SETD1A: variants seen among roughly 807,000 people sequenced by gnomAD.
The protein encoded by SETD1A is SET domain containing 1A, histone lysine methyltransferase.
Under a neutral mutation model 149.9 loss-of-function variants are expected in SETD1A, and 29 were observed. The observed-to-expected ratio is 0.19, with a 90% CI of 0.14 to 0.26. The LOEUF (loss-of-function observed/expected upper bound fraction) is 0.26. Ranked by LOEUF, SETD1A falls within the 10% of genes least tolerant of loss-of-function variation. SETD1A has a pLI of 1.00. For synonymous variants in SETD1A, 1,141 were observed against 968.5 expected (o/e 1.18, Z -3.31); for missense variants, 2,109 against 2,353.1 (o/e 0.90, Z 2.15).
chr16:30,982,330 G>A (rs1480361291), intron 17 of SETD1A, among the ~76,000 whole-genome samples: 1 of 151,778 alleles, frequency 6.6e-6, no homozygotes, highest in Non-Finnish European at 1.5e-5. Context: ...CTAAAACCCC[G>A]TCTCTACTAA....
At chr16:30,962,763 A>G (rs1241235496) in intron 4 of SETD1A, among the ~76,000 whole-genome samples, 2 of 152,250 alleles carry the variant, frequency 1.3e-5, no homozygotes, top group Non-Finnish European at 2.9e-5. Flanking sequence ...CCTGGTCAAC[A>G]TGGTGAAACC....
In SETD1A at chr16:30,983,453, GC is replaced by G. The variant is rs1361180924; in HGVS notation, c.4813-178del. Among the ~76,000 whole-genome samples the G allele has an allele frequency of 2.0e-5, 3 of 152,192 alleles. No individual in the cohort carries two copies. The highest frequency in any genetic ancestry group is 1.3e-4 in the Admixed American group (2 of 15,276). On this transcript the variant is annotated intron_variant, in intron 17 of 18. Transcript: ENST00000262519. The surrounding 1 kb of genome is among the most constrained non-coding windows in gnomAD (Gnocchi z 6.8). ...ATGGCCACCAGAGGCTTAGGATGCT[GC>G]CCCAAAGAGGGAGGGCTCCTGGAAG...
rs1216422427 is a variant in SETD1A, at chr16:30,969,388, C to G, written c.2854C>G (p.Gln952Glu). The G allele has an allele frequency of 1.2e-6, 2 of 1,614,142 alleles. No homozygotes were observed. The highest frequency in any genetic ancestry group is 1.7e-6 in the Non-Finnish European group (2 of 1,179,996). The change falls in exon 11 of 19, where the codon CAG (glutamine) becomes GAG (glutamate). Residue 952 changes from glutamine (Q) to glutamate (E), a missense_variant. Physicochemically the swap from Gln to Glu is conservative, Grantham distance 29. Transcript: ENST00000262519. ...GCGGGACGAAGAGCGAGGCAAGACC[C>G]AGGGCAAGCACCGCAAGTCCTTTGC... ...PKRDEERGKTQGKHRKSFALD... is the reference protein window; with the variant it reads ...PKRDEERGKTEGKHRKSFALD...
intron 13 of SETD1A, among the ~76,000 whole-genome samples, chr16:30,978,820 T>C (rs2056319372): frequency 6.6e-6 from 1 of 151,862 alleles, no homozygotes; most frequent in African/African-American, 2.4e-5. Flanking sequence ...CCAGGGCGAG[T>C]GGTGCCGCCC....
rs2056225577 is a variant in SETD1A, at chr16:30,971,576, C to T, written c.3215C>T (p.Ala1072Val). Residue 1072 changes from alanine to valine, a missense_variant, in exon 13 of 19, where the codon GCA becomes GTA. By Grantham distance (64) the Ala-to-Val change is moderately conservative. Around this residue, in one of 8 missense-constraint regions of SETD1A, gnomAD observed 832 missense variants for 815.6 expected, o/e 1.02. Transcript: ENST00000262519. ...SEDEEEEERP[A>V]ALPSASPPPR... is the part of the protein sequence containing the mutation. ...GATGAAGAGGAAGAGGAGCGGCCAG[C>T]AGCCCTTCCCTCAGCCTCCCCGCCC... 1 of 1,613,792 alleles carries T rather than the reference C, an allele frequency of 6.2e-7. No homozygotes were observed. The highest frequency in any genetic ancestry group is 1.3e-5 in the African/African-American group (1 of 74,902).
chr16:30,979,617 A>G lies in SETD1A; in HGVS notation c.3831A>G (p.Ser1277=). ...GLPALPAVED[S]EATETSDEAE... ...CTGCCCTGCCTGCTGTTGAAGACTCAGAGGCCACAGAGACATCGGACGAGG... is the reference window on the plus strand; with the variant it reads ...CTGCCCTGCCTGCTGTTGAAGACTCGGAGGCCACAGAGACATCGGACGAGG... The change falls in exon 14 of 19, where the codon TCA becomes TCG. Residue 1277 remains serine, a synonymous_variant. Coordinates refer to ENST00000262519, the MANE Select transcript of SETD1A (RefSeq NM_014712.3). 2 of 1,611,102 alleles carry G rather than the reference A, an allele frequency of 1.2e-6. No individual in the cohort carries two copies. Among genetic ancestry groups the G allele is most frequent in the Non-Finnish European group, 1.7e-6 (2 of 1,179,726 alleles).
chr16:30,979,583 G>C lies in SETD1A; in HGVS notation c.3797G>C (p.Arg1266Pro), dbSNP rs368351159. 6.2e-7 allele frequency: 1 copy of C among 1,610,472 alleles called. No homozygotes were observed. The highest frequency in any genetic ancestry group is 1.1e-5 in the South Asian group (1 of 91,024). The change falls in exon 14 of 19, where the codon CGC (arginine) becomes CCC (proline). Residue 1266 changes from arginine to proline, a missense_variant. Coordinates refer to ENST00000262519, the MANE Select transcript of SETD1A (RefSeq NM_014712.3). The stretch of plus-strand genomic sequence containing the variant: ...GACCTGGCCCTGACCCCTGCCCGGC[G>C]CGGGCTGCCTGCCCTGCCTGCTGTT... ...LADLALTPAR[R>P]GLPALPAVED...
At chr16:30,963,677 C>T in intron 5 of SETD1A, 123 bp downstream of exon 5, 1 of 1,070,992 alleles carries the variant, frequency 9.3e-7, no homozygotes, top group South Asian at 1.7e-5. Flanking sequence ...CCAAGCAAAG[C>T]TGCTGAGATG....
rs1290474672 is a variant in SETD1A at position 30,975,949 on chromosome 16, A to G, written c.3359-3196A>G. Among the ~76,000 whole-genome samples the G allele has an allele frequency of 3.9e-5, 6 of 152,250 alleles. No homozygotes were observed. In the South Asian group the frequency reaches 6.2e-4, roughly 16 times the overall value. On this transcript the variant is annotated intron_variant, in intron 13 of 18. Coordinates refer to ENST00000262519, the MANE Select transcript of SETD1A (RefSeq NM_014712.3). ...CCGGGAGAGAGGAATGCTTGCTGGC[A>G]TGGCCTTTTTGGGGAGGTGGAGGAG...
rs1278068414 is a variant in SETD1A at position 30,980,718 on chromosome 16, T to TC, written c.4582-18dup. On this transcript the variant is annotated intron_variant, in intron 15 of 18. Transcript: ENST00000262519. This position sits in a 1 kb window ranked among gnomAD's most constrained non-coding sequence, Gnocchi z 7.7. Reference sequence around the variant, plus strand: ...TCACTTCCCTGCCCTGCTCACCTCCTCCCTGCCGTGTGTCTCACAGGGGAC... The same window carrying TC: ...TCACTTCCCTGCCCTGCTCACCTCCTCCCCTGCCGTGTGTCTCACAGGGGAC... 6.2e-7 allele frequency: 1 copy of TC among 1,611,436 alleles called. No homozygotes were observed. Among genetic ancestry groups the TC allele is most frequent in the African/African-American group, 1.3e-5 (1 of 75,028 alleles).
chr16:30,964,681 C>T lies in SETD1A; in HGVS notation c.939C>T (p.His313=), dbSNP rs2056110111. The T allele has an allele frequency of 2.5e-6, 4 of 1,614,022 alleles. No homozygotes were observed. Among genetic ancestry groups the T allele is most frequent in the Non-Finnish European group, 2.5e-6 (3 of 1,180,050 alleles). The change falls in exon 7 of 19, where the codon CAC becomes CAT. Residue 313 remains histidine (H), a synonymous_variant. Transcript: ENST00000262519. The part of the protein sequence containing the change: ...NSYQDAFSRR[H]FSASSASTTA... ...ACCAAGATGCCTTTTCCCGCCGCCACTTCTCTGCATCTTCAGCCTCCACAA... is the reference window on the plus strand; with the variant it reads ...ACCAAGATGCCTTTTCCCGCCGCCATTTCTCTGCATCTTCAGCCTCCACAA...
intron 13 of SETD1A, 86 bp from the exon 14 acceptor site, chr16:30,979,059 G>A: frequency 7.4e-7 from 1 of 1,352,962 alleles, no homozygotes; most frequent in South Asian, 1.5e-5. Context: ...GTGGGGGAGA[G>A]CACACAGCCT....
chr16:30,982,380 A>G (rs2143597907), intron 17 of SETD1A, among the ~76,000 whole-genome samples: 1 of 152,114 alleles, frequency 6.6e-6, no homozygotes, highest in Middle Eastern at 3.4e-3. Context: ...AGGCGCCTGT[A>G]ATCCCAGCTA....
At chr16:30,958,694 GC>G (rs2056002146) in intron 1 of SETD1A, 22 bp from the exon 2 acceptor site, 1 of 1,609,418 alleles carries the variant, frequency 6.2e-7, no homozygotes. Flanking sequence ...GATCCTTCTT[GC>G]GTGTCCCTCT....
intron 17 of SETD1A, among the ~76,000 whole-genome samples, chr16:30,982,343 A>C (rs552770584): frequency 6.6e-6 from 1 of 152,178 alleles, no homozygotes; most frequent in South Asian, 2.1e-4. Flanking sequence ...TCTACTAAAA[A>C]TACAAAAATT....
At chr16:30,958,057 T>TGCC (rs1484728545) in intron 1 of SETD1A, 93 bp downstream of exon 1, 1 of 149,920 alleles carries the variant, frequency 6.7e-6, no homozygotes, top group Non-Finnish European at 1.5e-5. Flanking sequence ...GCGCTGCCGC[T>TGCC]GCCGCCGCCT....
rs988957417 is a variant in SETD1A, at chr16:30,974,489, G to A, written c.3358+2770G>A. Among the ~76,000 whole-genome samples, 9 of 152,168 alleles carry A rather than the reference G, an allele frequency of 5.9e-5. 1 individual carries two copies. The highest frequency in any genetic ancestry group is 5.2e-4 in the Admixed American group (8 of 15,262). On this transcript the variant is annotated intron_variant, in intron 13 of 18. Coordinates refer to ENST00000262519, the MANE Select transcript of SETD1A (RefSeq NM_014712.3). ...AGAGCGGTGACCAGAGGCGAGAAGG[G>A]AAGCAGGTAGTGGAGAGGCTCTGCA... is the stretch of plus-strand genomic sequence containing the variant.
Position 30,964,637 on chromosome 16 carries a change from C to T in SETD1A, c.895C>T (p.Arg299Trp), listed in dbSNP as rs771239116. 9.9e-6 allele frequency: 16 copies of T among 1,613,458 alleles called. No homozygotes were observed. The highest frequency in any genetic ancestry group is 2.7e-5 in the African/African-American group (2 of 74,912). ...CACCACTTCAACCTCCTTCAAGCCC[C>T]GGCGGTCAGAGAACAGCTACCAAGA... ...SSTTSTSFKPRRSENSYQDAF... is the reference protein window; with the variant it reads ...SSTTSTSFKPWRSENSYQDAF... Residue 299 changes from arginine to tryptophan, a missense_variant, in exon 7 of 19, where the codon CGG becomes TGG. By Grantham distance (101) the Arg-to-Trp change is moderately radical. Coordinates refer to ENST00000262519, the MANE Select transcript of SETD1A (RefSeq NM_014712.3).
chr16:30,976,763 G>T (rs1489981549), intron 13 of SETD1A, among the ~76,000 whole-genome samples: 1 of 152,098 alleles, frequency 6.6e-6, no homozygotes, highest in Non-Finnish European at 1.5e-5. Flanking sequence ...GGAGATGCAA[G>T]AATCCAGGTA....
Sources: gnomAD v4.1 joint callset for allele counts (sites outside exome capture counted in the v4.1 genomes callset) on GRCh38, gnomAD v4.1.1 for gene constraint, gnomAD v4.1.1 regional missense constraint, Gnocchi (gnomAD v3.1) non-coding constraint, MANE v1.5 for transcripts, NCBI Gene and HGNC (gene_info 2026-07-23, HGNC 2026-07-21) for gene names.